The following GRHL2 variants were observed in gnomAD, a reference collection of about 807,000 sequenced individuals.
GRHL2 encodes grainyhead like transcription factor 2.
GRHL2 carries 21 observed loss-of-function variants against 83.8 expected under a neutral mutation model. That is an observed-to-expected ratio of 0.25 (90% CI 0.18 to 0.36). The LOEUF is 0.36. GRHL2 is among the 10% of genes least tolerant of loss of function. GRHL2 has a pLI of 1.00. For synonymous variants in GRHL2, 280 were observed against 278.9 expected (o/e 1.00, Z -0.04); for missense variants, 623 against 781.8 (o/e 0.80, Z 2.42).
At chr8:101,559,609 C>T (rs1236005497) in intron 4 of GRHL2, among the ~76,000 whole-genome samples, 2 of 152,124 alleles carry the variant, frequency 1.3e-5, no homozygotes, top group African/African-American at 4.8e-5. Flanking sequence ...TTTGCGTTAT[C>T]AATAATCAAG....
At chr8:101,549,160 C>T (rs907239986) in intron 2 of GRHL2, among the ~76,000 whole-genome samples, 5 of 151,976 alleles carry the variant, frequency 3.3e-5, no homozygotes, top group Non-Finnish European at 5.9e-5. Flanking sequence ...AGGGGTGGGG[C>T]ATGTTCTAGG....
chr8:101,590,098 A>G (rs1327599622), intron 7 of GRHL2, among the ~76,000 whole-genome samples: 1 of 152,136 alleles, frequency 6.6e-6, no homozygotes, highest in Non-Finnish European at 1.5e-5. Flanking sequence ...GGCTCTCAAA[A>G]AATGGTGGCC....
chr8:101,573,982 C>T (rs185986329), intron 6 of GRHL2, 158 bp downstream of exon 6: 39 of 795,100 alleles, frequency 4.9e-5, no homozygotes, highest in Admixed American at 2.9e-4. Context: ...CTTATTGGCT[C>T]GTAGTTGATC....
chr8:101,526,319 A>G (rs1810801350), intron 1 of GRHL2, among the ~76,000 whole-genome samples: 1 of 152,194 alleles, frequency 6.6e-6, no homozygotes, highest in South Asian at 2.1e-4. Context: ...TGCACTTTGA[A>G]TAGAACTTAT....
At chr8:101,645,539 G>A (rs1217018206) in intron 13 of GRHL2, among the ~76,000 whole-genome samples, 1 of 152,104 alleles carries the variant, frequency 6.6e-6, no homozygotes, top group Non-Finnish European at 1.5e-5. Flanking sequence ...GAACCCGTCT[G>A]TAGCCTGCCA....
intron 7 of GRHL2, among the ~76,000 whole-genome samples, chr8:101,595,472 T>A (rs771040720): frequency 9.2e-5 from 14 of 152,350 alleles, no homozygotes; most frequent in East Asian, 3.9e-4. Context: ...GGCTGCTTAT[T>A]TTTAAATGTG....
At chr8:101,657,067 A>T (rs538733225) in intron 14 of GRHL2, among the ~76,000 whole-genome samples, 2,182 of 152,328 alleles carry the variant, frequency 0.014, 55 homozygotes, top group African/African-American at 0.05. Flanking sequence ...GTTTTTGTCC[A>T]ACTGTGTCAT....
At chr8:101,519,210 A>AT in intron 1 of GRHL2, among the ~76,000 whole-genome samples, 1 of 150,904 alleles carries the variant, frequency 6.6e-6, no homozygotes, top group South Asian at 2.1e-4. Flanking sequence ...ATTTTAAGAG[A>AT]TAGGGTCTTG....
At chr8:101,540,781 C>CT (rs1177215397) in intron 1 of GRHL2, among the ~76,000 whole-genome samples, 2 of 151,946 alleles carry the variant, frequency 1.3e-5, no homozygotes, top group African/African-American at 2.4e-5. Flanking sequence ...AAATAGACCT[C>CT]TTTTTTTTAG....
chr8:101,544,370 A>G (rs950417048), intron 2 of GRHL2, among the ~76,000 whole-genome samples: 5 of 152,204 alleles, frequency 3.3e-5, no homozygotes, highest in Admixed American at 6.6e-5. Flanking sequence ...TTTTATTTTG[A>G]AAAAGTCTTA....
intron 2 of GRHL2, among the ~76,000 whole-genome samples, chr8:101,552,453 C>T (rs1000483461): frequency 1.4e-4 from 21 of 152,220 alleles, no homozygotes; most frequent in African/African-American, 5.1e-4. Flanking sequence ...TGCTCGGGTC[C>T]AGGGAGAGTC....
chr8:101,623,336 TTAGGACAGTTCAGAGTACACAG>T (rs1563612861), intron 9 of GRHL2, among the ~76,000 whole-genome samples: 1 of 152,028 alleles, frequency 6.6e-6, no homozygotes, highest in African/African-American at 2.4e-5. Context: ...GTAGAACAGT[TTAGGACAGTTCAGAGTACACAG>T]TAGGACAGTT....
intron 5 of GRHL2, among the ~76,000 whole-genome samples, chr8:101,572,039 G>C (rs1811838122): frequency 6.6e-6 from 1 of 152,108 alleles, no homozygotes; most frequent in Admixed American, 6.5e-5. Context: ...GCTGAATCTT[G>C]GGTTTTTATC....
chr8:101,666,925 G>C lies in GRHL2; in HGVS notation c.*222G>C, dbSNP rs2129779385. The stretch of plus-strand genomic sequence containing the variant: ...GCTGAAGCCTGAGCCCCTCAGGAAG[G>C]TGCCTTAGGCCTGTTGGATTCCTAT... On this transcript the variant is annotated 3_prime_UTR_variant, in exon 16 of 16. Coordinates refer to ENST00000646743, the MANE Select transcript of GRHL2 (RefSeq NM_024915.4). 1 of 614,220 alleles carries C rather than the reference G, an allele frequency of 1.6e-6. No individual in the cohort carries two copies. Among genetic ancestry groups the C allele is most frequent in the East Asian group, 2.8e-5 (1 of 36,038 alleles). 38.0% of individuals were successfully genotyped at this position (614,220 alleles called of 1,614,324 possible).
At chr8:101,608,853 A>T (rs1812689282) in intron 8 of GRHL2, among the ~76,000 whole-genome samples, 1 of 149,974 alleles carries the variant, frequency 6.7e-6, no homozygotes, top group Non-Finnish European at 1.5e-5. Flanking sequence ...ACAAGGAAGG[A>T]CGTGGCATGT....
At chr8:101,508,323 C>A (rs1284457826) in intron 1 of GRHL2, among the ~76,000 whole-genome samples, 1 of 150,208 alleles carries the variant, frequency 6.7e-6, no homozygotes, top group Non-Finnish European at 1.5e-5. Context: ...TCTCTTTAGT[C>A]TTTGCCAATT....
At chr8:101,559,353 CAAAAAAAAAAAA>C (rs34176940) in intron 4 of GRHL2, among the ~76,000 whole-genome samples, 26 of 88,942 alleles carry the variant, frequency 2.9e-4, no homozygotes, top group African/African-American at 5.8e-4. Context: ...ACTAAAAATA[CAAAAAAAAAAAA>C]AAAAAAAAAA....
intron 15 of GRHL2, among the ~76,000 whole-genome samples, chr8:101,666,236 A>G (rs1814052826): frequency 6.6e-6 from 1 of 152,190 alleles, no homozygotes. Flanking sequence ...AACATGGTTT[A>G]CTGAAAAGAG....
At chr8:101,573,518 G>A in intron 5 of GRHL2, 150 bp from the exon 6 acceptor site, 1 of 873,274 alleles carries the variant, frequency 1.1e-6, no homozygotes, top group Non-Finnish European at 1.9e-6. Flanking sequence ...CCTTTGATCT[G>A]GTCTCATCTC....
Sources: allele counts gnomAD v4.1 joint callset (sites outside exome capture counted in the v4.1 genomes callset), GRCh38; gene constraint gnomAD v4.1.1; transcripts MANE v1.5; gene names NCBI Gene and HGNC (gene_info 2026-07-23, HGNC 2026-07-21).